MTOR: variants seen among roughly 807,000 people sequenced by gnomAD.
MTOR encodes the protein serine/threonine-protein kinase mTOR.
A neutral mutation model predicts 319.8 loss-of-function variants in MTOR; 70 were observed. The observed-to-expected ratio is 0.22, with a 90% confidence interval of 0.18 to 0.27. The LOEUF is 0.27. MTOR is among the 10% of genes least tolerant of loss of function. The probability of loss-of-function intolerance (pLI) is 1.00; values close to 1 mark genes in which losing one functional copy is unlikely to be tolerated. For missense variants in MTOR, 1,890 were observed against 3,274.4 expected, an observed-to-expected ratio of 0.58 and a Z score of 10.32; for synonymous variants, 1,183 against 1,211.4, an observed-to-expected ratio of 0.98 and a Z score of 0.49.
chr1:11,108,669 C>T (rs2100282495), intron 56 of MTOR, among the ~76,000 whole-genome samples: 1 of 142,106 alleles, frequency 7.0e-6, no homozygotes. Flanking sequence ...GCCAAGATCG[C>T]ACCACTGCAC....
Position 11,255,150 on chromosome 1 carries a change from C to T in MTOR, c.705+842G>A, listed in dbSNP as rs533896319. Among the ~76,000 whole-genome samples, 18 of 152,006 alleles carry T rather than the reference C, an allele frequency of 1.2e-4. No homozygotes were observed. In the South Asian group the frequency reaches 3.8e-3, roughly 32 times the overall value. On this transcript the variant is annotated intron_variant, in intron 5 of 57. Coordinates refer to ENST00000361445, the MANE Select transcript of MTOR (RefSeq NM_004958.4). ...CTGTAATCCCAGCACTTTGGGAGGTCAAGGCAGGTGGATCATGAGGTCAAG... is the reference window on the plus strand; with the variant it reads ...CTGTAATCCCAGCACTTTGGGAGGTTAAGGCAGGTGGATCATGAGGTCAAG...
At chr1:11,180,291 C>T (rs537741028) in intron 28 of MTOR, among the ~76,000 whole-genome samples, 13 of 152,196 alleles carry the variant, frequency 8.5e-5, no homozygotes, top group South Asian at 8.3e-4. Flanking sequence ...AGAAAAGGAC[C>T]GCATATCTTT....
chr1:11,195,307 T>A, intron 28 of MTOR: 1 of 330,324 alleles, frequency 3.0e-6, no homozygotes, highest in Non-Finnish European at 5.5e-6. Flanking sequence ...TAGCAGTAGC[T>A]TGTCTTTTCC....
At chr1:11,248,196 G>A (rs1220703545) in intron 6 of MTOR, 102 bp from the exon 7 acceptor site, 25 of 1,236,034 alleles carry the variant, frequency 2.0e-5, no homozygotes, top group South Asian at 6.0e-5. Context: ...ATCCCGAAAC[G>A]CAACTACTTC....
At chr1:11,238,842 A>G (rs1322019933) in intron 11 of MTOR, among the ~76,000 whole-genome samples, 1 of 149,926 alleles carries the variant, frequency 6.7e-6, no homozygotes, top group African/African-American at 2.5e-5. Context: ...CACTCACTGC[A>G]GGCTCCGCCT....
At chr1:11,211,573 C>T (rs974037414) in intron 23 of MTOR, among the ~76,000 whole-genome samples, 2 of 152,126 alleles carry the variant, frequency 1.3e-5, no homozygotes, top group African/African-American at 4.8e-5. Flanking sequence ...CTTGCTATGT[C>T]TGGAGTTGGT....
Position 11,234,279 on chromosome 1 carries a change from A to G in MTOR, c.2209-14T>C, listed in dbSNP as rs926479155. On this transcript the variant is annotated splice_polypyrimidine_tract_variant and intron_variant, in intron 13 of 57. Coordinates refer to ENST00000361445, the MANE Select transcript of MTOR (RefSeq NM_004958.4). ...CTCTGTCAAAATCTGTAGGGAAGAA[A>G]GGCTCATATGTTCTCTATGGCAGAA... is the stretch of plus-strand genomic sequence containing the variant. 6.2e-7 allele frequency: 1 copy of G among 1,606,728 alleles called. No individual in the cohort carries two copies. Among genetic ancestry groups the G allele is most frequent in the Non-Finnish European group, 8.5e-7 (1 of 1,176,532 alleles).
intron 29 of MTOR, among the ~76,000 whole-genome samples, chr1:11,160,409 A>G (rs1644442457): frequency 1.3e-5 from 2 of 152,178 alleles, no homozygotes; most frequent in South Asian, 4.1e-4. Context: ...TGTATAGCAT[A>G]TATTTTCTAA....
intron 15 of MTOR, among the ~76,000 whole-genome samples, chr1:11,232,785 G>C (rs1220298507): frequency 6.6e-6 from 1 of 152,118 alleles, no homozygotes; most frequent in Non-Finnish European, 1.5e-5. Flanking sequence ...TGAGGCACGA[G>C]AATCACTTGA....
intron 28 of MTOR, chr1:11,194,808 T>C (rs376581686): frequency 1.2e-6 from 2 of 1,608,892 alleles, no homozygotes; most frequent in African/African-American, 2.7e-5. Context: ...TGATGTCTGG[T>C]CTATCACAGT....
At chr1:11,202,202 G>A (rs989149776) in intron 26 of MTOR, among the ~76,000 whole-genome samples, 1 of 152,088 alleles carries the variant, frequency 6.6e-6, no homozygotes, top group Non-Finnish European at 1.5e-5. Context: ...GGCCGAGGTG[G>A]GCAGATTGCG....
At position 11,124,654 on chromosome 1, in the gene MTOR, G is replaced by C. The variant is rs780084705; in HGVS notation, c.6527-21C>G. 12 of 1,599,584 alleles carry C rather than the reference G, an allele frequency of 7.5e-6. No homozygotes were observed. In the African/African-American group the frequency reaches 1.2e-4, roughly 16 times the overall value. On this transcript the variant is annotated intron_variant, in intron 46 of 57. Transcript: ENST00000361445. ...GCTGCCTGTAAGGAACAGTGGGAGC[G>C]GTGAGTGTACATCAGAGGTCCTCAG...
chr1:11,199,306 A>G lies in MTOR; in HGVS notation c.4205T>C (p.Leu1402Pro). Residue 1402 changes from leucine (L) to proline (P), a missense_variant, in exon 28 of 58, where the codon CTG (leucine) becomes CCG (proline). Leu to Pro is a moderately conservative substitution (Grantham distance 98, BLOSUM62 -3). Transcript: ENST00000361445. The surrounding 1 kb of genome is among the most constrained non-coding windows in gnomAD (Gnocchi z 4.5). ...AYAKALHYKE[L>P]EFQKGPTPAI... ...AGGGGTGGGGCCTTTCTGGAACTCC[A>G]GTTCTTTGTAGTGTAGTGCTTTGGC... The G allele has an allele frequency of 6.2e-7, 1 of 1,614,158 alleles. No individual in the cohort carries two copies. Among genetic ancestry groups the G allele is most frequent in the Non-Finnish European group, 8.5e-7 (1 of 1,180,028 alleles).
chr1:11,227,434 T>C (rs1646881706), intron 19 of MTOR, among the ~76,000 whole-genome samples: 3 of 152,072 alleles, frequency 2.0e-5, no homozygotes. Flanking sequence ...CTATCTCCTC[T>C]AAATGTACAT....
At position 11,228,749 on chromosome 1, in the gene MTOR, T is replaced by C. The variant is rs2100855128; in HGVS notation, c.2949A>G (p.Gly983=). The C allele has an allele frequency of 2.5e-6, 4 of 1,613,766 alleles. No individual in the cohort carries two copies. The highest frequency in any genetic ancestry group is 3.4e-6 in the Non-Finnish European group (4 of 1,179,948). Residue 983 remains glycine, a synonymous_variant, in exon 19 of 58, where the codon GGA becomes GGG. Coordinates refer to ENST00000361445, the MANE Select transcript of MTOR (RefSeq NM_004958.4). The part of the protein sequence containing the change: ...QAITFIFKSL[G]LKCVQFLPQV... ...GGGGCAGGAACTGCACACATTTGAGTCCCAGGGACTTGAAGATGAAGGTGA... is the reference window on the plus strand; with the variant it reads ...GGGGCAGGAACTGCACACATTTGAGCCCCAGGGACTTGAAGATGAAGGTGA...
At position 11,258,549 on chromosome 1, in the gene MTOR, A is replaced by G. The variant is rs752443865; in HGVS notation, c.207T>C (p.His69=). The change falls in exon 3 of 58, where the codon CAT becomes CAC. Residue 69 remains histidine (H), a synonymous_variant. Transcript: ENST00000361445. ...ESTRFYDQLN[H]HIFELVSSSD... is the part of the protein sequence containing the mutation. Reference sequence around the variant, plus strand: ...AGCTGGAAACCAATTCAAAAATGTGATGGTTCAGTTGGTCATAGAAGCGAG... The same window carrying G: ...AGCTGGAAACCAATTCAAAAATGTGGTGGTTCAGTTGGTCATAGAAGCGAG... 1.2e-6 allele frequency: 2 copies of G among 1,614,150 alleles called. No individual in the cohort carries two copies. Among genetic ancestry groups the G allele is most frequent in the South Asian group, 2.2e-5 (2 of 91,088 alleles).
At chr1:11,118,228 A>ATTTTTTTTTTT (rs771785403) in intron 49 of MTOR, among the ~76,000 whole-genome samples, 32 of 120,752 alleles carry the variant, frequency 2.7e-4, no homozygotes, top group African/African-American at 1.2e-3. Flanking sequence ...AACTTAGTTA[A>ATTTTTTTTTTT]TTTTTTTTTT....
chr1:11,189,328 T>G, intron 28 of MTOR: 1 of 416,906 alleles, frequency 2.4e-6, no homozygotes, highest in Non-Finnish European at 4.3e-6. Flanking sequence ...GCAAACAATA[T>G]TTAAGATGCT....
At chr1:11,250,120 G>T (rs1276937740) in intron 6 of MTOR, among the ~76,000 whole-genome samples, 1 of 147,190 alleles carries the variant, frequency 6.8e-6, no homozygotes, top group African/African-American at 2.5e-5. Flanking sequence ...CAGTAGGGGC[G>T]GCCGGGCAGA....
Sources: gnomAD v4.1 joint callset for allele counts (sites outside exome capture counted in the v4.1 genomes callset) on GRCh38, gnomAD v4.1.1 for gene constraint, Gnocchi (gnomAD v3.1) non-coding constraint, MANE v1.5 for transcripts, NCBI Gene and HGNC (gene_info 2026-07-23, HGNC 2026-07-21) for gene names.